INSYN2B: variants seen among roughly 807,000 people sequenced by gnomAD.
INSYN2B encodes the protein inhibitory synaptic factor family member 2B.
In INSYN2B, 16 loss-of-function variants were observed where a neutral mutation model predicts 41.2. The observed-to-expected ratio is 0.39, with a 90% CI of 0.26 to 0.59. INSYN2B has a LOEUF of 0.59. INSYN2B is among the 20% of genes least tolerant of loss of function. The pLI, the probability that INSYN2B is intolerant of heterozygous loss-of-function variation, is 0.57. For synonymous variants in INSYN2B, 245 were observed against 244.4 expected (o/e 1.00, Z -0.02); for missense variants, 608 against 646.4 (o/e 0.94, Z 0.64).
rs144552266 is a variant in INSYN2B, at chr5:169,862,186, G to C, written c.*2087C>G. Among the ~76,000 whole-genome samples, 6 of 152,310 alleles carry C rather than the reference G, an allele frequency of 3.9e-5. No individual in the cohort carries two copies. In the East Asian group the frequency reaches 1.2e-3, roughly 29 times the overall value. On this transcript the variant is annotated 3_prime_UTR_variant, in exon 4 of 4. Coordinates refer to ENST00000377365, the MANE Select transcript of INSYN2B (RefSeq NM_001129891.3). Reference sequence around the variant, plus strand: ...GAACGTGCTAAGAGTTTATAAAGTAGGAAAGCATATGTTCTTATCTGTATT... The same window carrying C: ...GAACGTGCTAAGAGTTTATAAAGTACGAAAGCATATGTTCTTATCTGTATT...
intron 1 of INSYN2B, among the ~76,000 whole-genome samples, chr5:169,950,425 C>G (rs1187527829): frequency 6.6e-6 from 1 of 152,192 alleles, no homozygotes; most frequent in African/African-American, 2.4e-5. Context: ...GACTTTCAAA[C>G]AACAGAAGCT....
At chr5:169,899,512 G>GCAA (rs1773799974) in intron 1 of INSYN2B, among the ~76,000 whole-genome samples, 1 of 152,178 alleles carries the variant, frequency 6.6e-6, no homozygotes, top group Non-Finnish European at 1.5e-5. Context: ...TGCCTCAAAT[G>GCAA]GACTTGAGGA....
In INSYN2B at chr5:169,914,049, G is replaced by A. The variant is rs139912367; in HGVS notation, c.-918-29233C>T. Among the ~76,000 whole-genome samples, 6 of 152,112 alleles carry A rather than the reference G, an allele frequency of 3.9e-5. No individual in the cohort carries two copies. In the South Asian group the frequency reaches 6.2e-4, roughly 16 times the overall value. ...ACACCCAAAGATGTTTACTAAAGATGCCCTTTCAAATGAAGCTTTTGACTG... is the reference window on the plus strand; with the variant it reads ...ACACCCAAAGATGTTTACTAAAGATACCCTTTCAAATGAAGCTTTTGACTG... On this transcript the variant is annotated intron_variant, in intron 1 of 3. Coordinates refer to ENST00000377365, the MANE Select transcript of INSYN2B (RefSeq NM_001129891.3).
chr5:169,914,343 A>T (rs1159623034), intron 1 of INSYN2B, among the ~76,000 whole-genome samples: 1 of 152,188 alleles, frequency 6.6e-6, no homozygotes, highest in African/African-American at 2.4e-5. Flanking sequence ...TCTTTGGTTA[A>T]TCTCACTGAT....
At chr5:169,923,370 T>TA (rs1293756567) in intron 1 of INSYN2B, among the ~76,000 whole-genome samples, 2 of 152,238 alleles carry the variant, frequency 1.3e-5, no homozygotes, top group African/African-American at 2.4e-5. Flanking sequence ...TGAAGGGGCA[T>TA]ACGCAGAAAA....
At position 169,939,840 on chromosome 5, in the gene INSYN2B, T is replaced by G. The variant is rs1581447712; in HGVS notation, c.-919+40437A>C. Among the ~76,000 whole-genome samples the G allele has an allele frequency of 2.0e-5, 3 of 152,350 alleles. No individual in the cohort carries two copies. In the East Asian group the frequency reaches 5.8e-4, roughly 29 times the overall value. ...ACCTAGAGTTAGCTCCTTCTCTGTGTCAGGCACTGAATAAGGTACTTTGCC... is the reference window on the plus strand; with the variant it reads ...ACCTAGAGTTAGCTCCTTCTCTGTGGCAGGCACTGAATAAGGTACTTTGCC... On this transcript the variant is annotated intron_variant, in intron 1 of 3. Coordinates refer to ENST00000377365, the MANE Select transcript of INSYN2B (RefSeq NM_001129891.3).
intron 3 of INSYN2B, among the ~76,000 whole-genome samples, chr5:169,873,612 G>A (rs1210827358): frequency 4.6e-5 from 7 of 152,192 alleles, no homozygotes; most frequent in Admixed American, 3.9e-4. Flanking sequence ...GCTCCACGCT[G>A]GGACACTGTC....
At chr5:169,940,641 G>A (rs1561839989) in intron 1 of INSYN2B, among the ~76,000 whole-genome samples, 2 of 152,288 alleles carry the variant, frequency 1.3e-5, no homozygotes, top group South Asian at 2.1e-4. Flanking sequence ...TAAGGAGCAC[G>A]CAACTTAGAT....
In INSYN2B at chr5:169,972,546, T is replaced by C. The variant is rs1008013014; in HGVS notation, c.-919+7731A>G. 4.6e-3 allele frequency among the ~76,000 whole-genome samples: 356 copies of C among 76,848 alleles called. 5 individuals are homozygous for C. The highest frequency in any genetic ancestry group is 0.015 in the African/African-American group (338 of 23,258). 50.4% of individuals were successfully genotyped at this position (76,848 alleles called of 152,430 possible). On this transcript the variant is annotated intron_variant, in intron 1 of 3. Coordinates refer to ENST00000377365, the MANE Select transcript of INSYN2B (RefSeq NM_001129891.3). ...CAGTTAAGAGCCACTGTGAGACAGA[T>C]AGATAGATAGATAGATAGATAGATA...
chr5:169,923,478 C>T (rs531168845), intron 1 of INSYN2B, among the ~76,000 whole-genome samples: 3 of 113,106 alleles, frequency 2.7e-5, no homozygotes, highest in East Asian at 5.8e-4. Flanking sequence ...TGTGCATGCA[C>T]GTGGGCACAC....
In INSYN2B at chr5:169,883,757, G is replaced by C; in HGVS notation, c.142C>G (p.Pro48Ala). ...RFKEDGTTKN[P>A]TGLAEVDVQT... ...ACGTCAACCTCAGCTAGGCCAGTTG[G>C]ATTCTTAGTGGTCCCATCTTCCTTG... is the stretch of plus-strand genomic sequence containing the variant. Residue 48 changes from proline to alanine, a missense_variant, in exon 2 of 4, where the codon CCA (proline) becomes GCA (alanine). By Grantham distance (27) the Pro-to-Ala change is conservative (BLOSUM62 -1). Coordinates refer to ENST00000377365, the MANE Select transcript of INSYN2B (RefSeq NM_001129891.3). The C allele has an allele frequency of 6.4e-7, 1 of 1,551,622 alleles. No homozygotes were observed. The highest frequency in any genetic ancestry group is 8.7e-7 in the Non-Finnish European group (1 of 1,146,952).
intron 1 of INSYN2B, among the ~76,000 whole-genome samples, chr5:169,979,882 C>T (rs147224601): frequency 6.6e-6 from 1 of 152,154 alleles, no homozygotes; most frequent in Non-Finnish European, 1.5e-5. Flanking sequence ...CAGCCACTCT[C>T]TCTAGATGGG....
intron 1 of INSYN2B, among the ~76,000 whole-genome samples, chr5:169,934,410 G>A (rs574383339): frequency 6.6e-5 from 10 of 152,250 alleles, no homozygotes; most frequent in Admixed American, 1.3e-4. Context: ...CCGCATGCCC[G>A]TGAATCACAA....
intron 1 of INSYN2B, among the ~76,000 whole-genome samples, chr5:169,912,461 G>A (rs188728843): frequency 1.9e-4 from 29 of 152,262 alleles, no homozygotes; most frequent in Non-Finnish European, 3.4e-4. Flanking sequence ...CTTTTGGCAC[G>A]TGTATGTGTG....
chr5:169,915,617 A>G (rs1774834216), intron 1 of INSYN2B, among the ~76,000 whole-genome samples: 1 of 151,594 alleles, frequency 6.6e-6, no homozygotes, highest in African/African-American at 2.4e-5. Flanking sequence ...GAGGGAGGGG[A>G]GAGAGAGAGA....
At chr5:169,944,018 G>A (rs1302452131) in intron 1 of INSYN2B, among the ~76,000 whole-genome samples, 1 of 152,188 alleles carries the variant, frequency 6.6e-6, no homozygotes, top group Non-Finnish European at 1.5e-5. Flanking sequence ...AATTCTCCAG[G>A]TCTGTGGACT....
chr5:169,897,848 A>G (rs1773701557), intron 1 of INSYN2B, among the ~76,000 whole-genome samples: 1 of 152,208 alleles, frequency 6.6e-6, no homozygotes, highest in East Asian at 1.9e-4. Context: ...GGTCTATGTA[A>G]TAGAGGAGTG....
At chr5:169,903,733 G>A (rs1434143381) in intron 1 of INSYN2B, among the ~76,000 whole-genome samples, 4 of 152,128 alleles carry the variant, frequency 2.6e-5, no homozygotes, top group African/African-American at 9.7e-5. Context: ...GGAGAAAGGT[G>A]GGTGAGAGCT....
At chr5:169,940,617 G>A (rs1387672487) in intron 1 of INSYN2B, among the ~76,000 whole-genome samples, 1 of 152,118 alleles carries the variant, frequency 6.6e-6, no homozygotes, top group East Asian at 1.9e-4. Flanking sequence ...AGATCATTAG[G>A]CATTAGATTC....
Sources: allele counts gnomAD v4.1 joint callset (sites outside exome capture counted in the v4.1 genomes callset), GRCh38; gene constraint gnomAD v4.1.1; transcripts MANE v1.5; gene names NCBI Gene and HGNC (gene_info 2026-07-23, HGNC 2026-07-21).